ZNF440: variants seen among roughly 807,000 people sequenced by gnomAD.
ZNF440 encodes the protein zinc finger protein 440.
In ZNF440, 47 loss-of-function variants were observed where a neutral mutation model predicts 49.7. The observed-to-expected ratio is 0.95, with a 90% CI of 0.75 to 1.21. ZNF440 has a LOEUF of 1.21. ZNF440 is among the 50% of genes most tolerant of loss of function. ZNF440 has a pLI of 0.00. For synonymous variants in ZNF440, 255 were observed against 237.7 expected (o/e 1.07, Z -0.67); for missense variants, 703 against 715.0 (o/e 0.98, Z 0.19).
intron 1 of ZNF440, 125 bp downstream of exon 1, chr19:11,814,575 C>T: frequency 1.7e-6 from 2 of 1,181,476 alleles, no homozygotes; most frequent in Non-Finnish European, 2.2e-6. Flanking sequence ...TCCCCTCGGT[C>T]GCAGGGTGGG....
chr19:11,820,428 C>T (rs755462268), intron 1 of ZNF440, among the ~76,000 whole-genome samples: 1 of 152,136 alleles, frequency 6.6e-6, no homozygotes, highest in Non-Finnish European at 1.5e-5. Flanking sequence ...CCGTATTAGT[C>T]AGGATGTTCT....
chr19:11,830,074 C>G, intron 1 of ZNF440: 1 of 987,678 alleles, frequency 1.0e-6, no homozygotes. Flanking sequence ...CATGCCATTG[C>G]ACTGCAGCCT....
In ZNF440 at chr19:11,833,916, G is replaced by T. The variant is rs1975986036; in HGVS notation, c.*952G>T. ...AAACAATTAACTGTTTATAATAACT[G>T]TATACTAACAAATGATATTCTTTTT... On this transcript the variant is annotated 3_prime_UTR_variant, in exon 4 of 4. Coordinates refer to ENST00000304060, the MANE Select transcript of ZNF440 (RefSeq NM_152357.3). The T allele has an allele frequency of 3.2e-6, 1 of 308,012 alleles. No individual in the cohort carries two copies. The highest frequency in any genetic ancestry group is 6.7e-5 in the South Asian group (1 of 14,996). The allele number at this position is 308,012 out of a possible 1,614,324, so 19.1% of individuals were successfully genotyped here.
intron 1 of ZNF440, among the ~76,000 whole-genome samples, chr19:11,829,063 A>G (rs1029298725): frequency 2.6e-5 from 4 of 152,068 alleles, no homozygotes; most frequent in Admixed American, 6.6e-5. Flanking sequence ...TTCAGCCATC[A>G]ATGGATATGT....
intron 1 of ZNF440, among the ~76,000 whole-genome samples, chr19:11,829,689 C>T (rs1208172467): frequency 6.6e-6 from 1 of 152,112 alleles, no homozygotes; most frequent in Non-Finnish European, 1.5e-5. Flanking sequence ...ATGAACTAGC[C>T]AGGTGTGGTG....
At chr19:11,819,647 G>A (rs573732619) in intron 1 of ZNF440, among the ~76,000 whole-genome samples, 2 of 152,274 alleles carry the variant, frequency 1.3e-5, no homozygotes, top group Non-Finnish European at 2.9e-5. Flanking sequence ...TGATCCGTTC[G>A]CCTTGGCCTT....
At chr19:11,815,284 TCACACACACACACACACACA>T (rs3223082) in intron 1 of ZNF440, among the ~76,000 whole-genome samples, 3 of 121,062 alleles carry the variant, frequency 2.5e-5, no homozygotes, top group Non-Finnish European at 5.2e-5. Context: ...GGCAACTCCG[TCACACACACACACACACACA>T]CACACACACA....
At chr19:11,815,261 A>G (rs1371607290) in intron 1 of ZNF440, among the ~76,000 whole-genome samples, 1 of 146,922 alleles carries the variant, frequency 6.8e-6, no homozygotes, top group Admixed American at 6.8e-5. Flanking sequence ...TGGGCAACAG[A>G]GCGAGACAAC....
rs781214936 is a variant in ZNF440, at chr19:11,814,465, G to C, written c.3+15G>C. 11 of 1,521,556 alleles carry C rather than the reference G, an allele frequency of 7.2e-6. No homozygotes were observed. The African/African-American group carries it at 1.0e-4, about 14-fold the overall frequency. The allele number at this position is 1,521,556 out of a possible 1,614,324, so 94.3% of individuals were successfully genotyped here. A position where few individuals can be genotyped will look rare whatever the true frequency, so the allele number is the denominator to read the frequency against. On this transcript the variant is annotated intron_variant, in intron 1 of 3. Transcript: ENST00000304060. ...GCCGAGAAATGGTGTGTGTGAGGGGGCTGGCGTCCGGGCGACTGGGAGAGG... is the reference window on the plus strand; with the variant it reads ...GCCGAGAAATGGTGTGTGTGAGGGGCCTGGCGTCCGGGCGACTGGGAGAGG...
chr19:11,824,197 A>AAAAAG (rs933293529), intron 1 of ZNF440, among the ~76,000 whole-genome samples: 9 of 151,070 alleles, frequency 6.0e-5, no homozygotes, highest in Admixed American at 2.0e-4. Context: ...AAAAAAAAAA[A>AAAAAG]AAAAGAAAAG....
At chr19:11,829,167 T>C (rs1376008054) in intron 1 of ZNF440, among the ~76,000 whole-genome samples, 1 of 152,078 alleles carries the variant, frequency 6.6e-6, no homozygotes, top group Non-Finnish European at 1.5e-5. Context: ...AGGAGTTTCT[T>C]GTTTGCCCTC....
intron 1 of ZNF440, among the ~76,000 whole-genome samples, chr19:11,820,550 G>A (rs1368375728): frequency 1.3e-5 from 2 of 152,192 alleles, no homozygotes; most frequent in Admixed American, 6.5e-5. Flanking sequence ...TCCAGGTTTC[G>A]GGTTTTAGAA....
At chr19:11,816,482 C>T (rs903963012) in intron 1 of ZNF440, 2 of 152,160 alleles carry the variant, frequency 1.3e-5, no homozygotes, top group Non-Finnish European at 2.9e-5. Context: ...CATGAATGTG[C>T]GTCAGTTGCT....
At chr19:11,818,362 G>A (rs1248371694) in intron 1 of ZNF440, among the ~76,000 whole-genome samples, 4 of 152,196 alleles carry the variant, frequency 2.6e-5, no homozygotes. Flanking sequence ...AACATTTTGT[G>A]ATCATGGGTT....
chr19:11,817,833 C>T (rs1331128169), intron 1 of ZNF440, among the ~76,000 whole-genome samples: 2 of 152,142 alleles, frequency 1.3e-5, no homozygotes, highest in Non-Finnish European at 2.9e-5. Context: ...TGTGGGCTGA[C>T]AGCGTCACAA....
chr19:11,832,425 A>T lies in ZNF440; in HGVS notation c.1249A>T (p.Thr417Ser). 1 of 1,613,638 alleles carries T rather than the reference A, an allele frequency of 6.2e-7. No individual in the cohort carries two copies. The highest frequency in any genetic ancestry group is 8.5e-7 in the Non-Finnish European group (1 of 1,179,846). ...SASHLRVHGR[T>S]HTGEKPYECK... ...CTCACACCTTCGAGTGCATGGTAGGACTCACACTGGAGAGAAACCGTATGA... is the reference window on the plus strand; with the variant it reads ...CTCACACCTTCGAGTGCATGGTAGGTCTCACACTGGAGAGAAACCGTATGA... The change falls in exon 4 of 4, where the codon ACT becomes TCT. Residue 417 changes from threonine (T) to serine (S), a missense_variant. Transcript: ENST00000304060.
In ZNF440 at chr19:11,830,362, T is replaced by C. The variant is rs1187612703; in HGVS notation, c.83T>C (p.Leu28Pro). 1 of 1,614,154 alleles carries C rather than the reference T, an allele frequency of 6.2e-7. No homozygotes were observed. Among genetic ancestry groups the C allele is most frequent in the East Asian group, 2.2e-5 (1 of 44,882 alleles). Residue 28 changes from leucine (L) to proline (P), a missense_variant, in exon 2 of 4, where the codon CTC (leucine) becomes CCC (proline). Physicochemically the swap from Leu to Pro is moderately conservative, Grantham distance 98. Coordinates refer to ENST00000304060, the MANE Select transcript of ZNF440 (RefSeq NM_152357.3). Reference sequence around the variant, plus strand: ...TTGCTGGATATTTCCCAGAGGAAACTCTACAGGGAAGTGATGCTGGAAACT... The same window carrying C: ...TTGCTGGATATTTCCCAGAGGAAACCCTACAGGGAAGTGATGCTGGAAACT... ...WALLDISQRKLYREVMLETFR... is the reference protein window; with the variant it reads ...WALLDISQRKPYREVMLETFR...
intron 1 of ZNF440, among the ~76,000 whole-genome samples, chr19:11,820,383 AT>A (rs1299259323): frequency 2.0e-5 from 3 of 151,670 alleles, no homozygotes; most frequent in African/African-American, 7.3e-5. Flanking sequence ...CGCCCGGCTA[AT>A]TTTTTTTGTA....
chr19:11,821,679 T>A lies in ZNF440; in HGVS notation c.3+7229T>A, dbSNP rs556331502. On this transcript the variant is annotated intron_variant, in intron 1 of 3. Transcript: ENST00000304060. ...GAGATGTCTCATGTGATAGGGTGAC[T>A]GTGCTGACACATGAGTCAGACATCA... 2.0e-5 allele frequency among the ~76,000 whole-genome samples: 3 copies of A among 152,280 alleles called. No homozygotes were observed. The South Asian group carries it at 6.2e-4, about 32-fold the overall frequency.
Sources: allele counts gnomAD v4.1 joint callset (sites outside exome capture counted in the v4.1 genomes callset), GRCh38; gene constraint gnomAD v4.1.1; transcripts MANE v1.5; gene names NCBI Gene and HGNC (gene_info 2026-07-23, HGNC 2026-07-21).